CEP135: variants seen among roughly 807,000 people sequenced by gnomAD.
CEP135 encodes centrosomal protein 135, also known as centrosomal protein of 135 kDa.
Under a neutral mutation model 157.3 loss-of-function variants are expected in CEP135, and 142 were observed. The observed-to-expected ratio is 0.90, with a 90% CI of 0.79 to 1.04. The LOEUF is 1.04. CEP135 is among the 50% of genes least tolerant of loss of function. The pLI is 0.00. For synonymous variants in CEP135, 396 were observed against 439.8 expected, an observed-to-expected ratio of 0.90 and a Z score of 1.25; for missense variants, 1,317 against 1,309.2, an observed-to-expected ratio of 1.01 and a Z score of -0.09.
chr4:55,968,979 T>C (rs1728929750), intron 8 of CEP135, 84 bp from the exon 9 acceptor site: 1 of 1,021,450 alleles, frequency 9.8e-7, no homozygotes, highest in Non-Finnish European at 1.4e-6. Context: ...CGTGAAGTAA[T>C]TGCAAAATTA....
intron 19 of CEP135, among the ~76,000 whole-genome samples, chr4:56,010,516 A>C (rs1478819666): frequency 6.6e-6 from 1 of 152,206 alleles, no homozygotes; most frequent in Non-Finnish European, 1.5e-5. Context: ...AGGTGGGAGC[A>C]TGAAATTCTG....
At chr4:55,963,223 A>G (rs961450822) in intron 6 of CEP135, among the ~76,000 whole-genome samples, 2 of 151,954 alleles carry the variant, frequency 1.3e-5, no homozygotes, top group Admixed American at 6.6e-5. Flanking sequence ...TTTCTTATGC[A>G]TTTCTGCATT....
intron 8 of CEP135, among the ~76,000 whole-genome samples, chr4:55,967,280 A>G (rs1728873234): frequency 6.6e-6 from 1 of 152,212 alleles, no homozygotes; most frequent in East Asian, 1.9e-4. Context: ...AAATGTTGAT[A>G]TTTATGAAAT....
Position 55,959,226 on chromosome 4 carries a change from A to G in CEP135, c.615-456A>G, listed in dbSNP as rs562565401. ...GTTGGAATTAACAAGTTCCAGAAGG[A>G]ATAGGTTTTTTGCTGTAGTTACATA... On this transcript the variant is annotated intron_variant, in intron 5 of 25. Coordinates refer to ENST00000257287, the MANE Select transcript of CEP135 (RefSeq NM_025009.5). Among the ~76,000 whole-genome samples, 4 of 152,346 alleles carry G rather than the reference A, an allele frequency of 2.6e-5. 1 individual carries two copies. The highest frequency in any genetic ancestry group is 9.6e-5 in the African/African-American group (4 of 41,582).
intron 25 of CEP135, 136 bp from the exon 26 acceptor site, chr4:56,031,212 TTCTTAAATATAA>T (rs1273919764): frequency 5.2e-5 from 8 of 152,568 alleles, no homozygotes; most frequent in Non-Finnish European, 1.2e-4. Context: ...AGAACAGTAC[TTCTTAAATATAA>T]CTGGATGTGG....
chr4:56,031,522 G>C lies in CEP135; in HGVS notation c.*174G>C, dbSNP rs1036125609. ...ATATGTTAAAAAGTTTGGTTTAAAA[G>C]AACTATATCTATATGTATATTTTCA... On this transcript the variant is annotated 3_prime_UTR_variant, in exon 26 of 26. Transcript: ENST00000257287. The C allele has an allele frequency of 6.6e-6, 1 of 152,440 alleles. No individual in the cohort carries two copies. Among genetic ancestry groups the C allele is most frequent in the Non-Finnish European group, 1.5e-5 (1 of 67,996 alleles). The allele number at this position is 152,440 out of a possible 1,614,324, so 9.4% of individuals were successfully genotyped here.
chr4:55,999,370 A>T lies in CEP135; in HGVS notation c.2078A>T (p.Glu693Val). ...CACCGACTTTCCATAAAAAGAGGTGAACTTGAATCAGCCCAAGCACAAATT... is the reference window on the plus strand; with the variant it reads ...CACCGACTTTCCATAAAAAGAGGTGTACTTGAATCAGCCCAAGCACAAATT... ...YQHRLSIKRG[E>V]LESAQAQIKI... Residue 693 changes from glutamate to valine, a missense_variant, in exon 16 of 26, where the codon GAA (glutamate) becomes GTA (valine). By Grantham distance (121) the Glu-to-Val change is moderately radical (BLOSUM62 -2). Coordinates refer to ENST00000257287, the MANE Select transcript of CEP135 (RefSeq NM_025009.5). The T allele has an allele frequency of 1.2e-6, 2 of 1,614,218 alleles. No individual in the cohort carries two copies. The highest frequency in any genetic ancestry group is 1.7e-6 in the Non-Finnish European group (2 of 1,180,030).
At chr4:56,011,670 G>C in intron 20 of CEP135, 130 bp from the exon 21 acceptor site, 2 of 966,122 alleles carry the variant, frequency 2.1e-6, no homozygotes, top group Non-Finnish European at 3.1e-6. Context: ...TTTTAGTGTG[G>C]TACCTGCACA....
rs1729395172 is a variant in CEP135, at chr4:55,981,241, A to G, written c.1641A>G (p.Leu547=). The part of the protein sequence containing the change: ...SVLYNEAQEE[L]SALRKESTQT... Reference sequence around the variant, plus strand: ...CATTCTTTAAGGCTCAGGAAGAATTATCTGCCCTAAGAAAGGAATCCACCC... The same window carrying G: ...CATTCTTTAAGGCTCAGGAAGAATTGTCTGCCCTAAGAAAGGAATCCACCC... Residue 547 remains leucine (L), a synonymous_variant, in exon 13 of 26, where the codon TTA becomes TTG. Transcript: ENST00000257287. The G allele has an allele frequency of 6.3e-7, 1 of 1,585,206 alleles. No homozygotes were observed. The highest frequency in any genetic ancestry group is 1.4e-5 in the African/African-American group (1 of 72,846).
At chr4:55,986,822 T>TATTA (rs991176449) in intron 14 of CEP135, among the ~76,000 whole-genome samples, 11 of 152,218 alleles carry the variant, frequency 7.2e-5, no homozygotes, top group African/African-American at 2.7e-4. Context: ...GGCTGGCTTC[T>TATTA]ATTACTATGC....
At chr4:55,966,704 C>CA (rs906829824) in intron 8 of CEP135, 44 of 152,546 alleles carry the variant, frequency 2.9e-4, no homozygotes, top group African/African-American at 1.0e-3. Flanking sequence ...AGGCTGGTCT[C>CA]AAACTCCTGG....
At chr4:55,956,671 C>T (rs1269562093) in intron 4 of CEP135, among the ~76,000 whole-genome samples, 3 of 151,814 alleles carry the variant, frequency 2.0e-5, no homozygotes, top group East Asian at 1.9e-4. Context: ...AGTGCAGTGG[C>T]GCAATCTTGG....
intron 13 of CEP135, among the ~76,000 whole-genome samples, chr4:55,985,047 T>C (rs762387140): frequency 6.6e-6 from 1 of 152,248 alleles, no homozygotes; most frequent in Non-Finnish European, 1.5e-5. Context: ...CTATGTCTTC[T>C]ACTACAATCA....
rs1056563965 is a variant in CEP135, at chr4:56,033,273, C to T, written c.*1925C>T. On this transcript the variant is annotated 3_prime_UTR_variant, in exon 26 of 26. Transcript: ENST00000257287. ...ATTTTATCTTAAAATACTGAATGTT[C>T]TGACCTTTTATAGATGTTTTTGATT... 1 of 151,928 alleles carries T rather than the reference C, an allele frequency of 6.6e-6. No individual in the cohort carries two copies. Among genetic ancestry groups the T allele is most frequent in the African/African-American group, 2.4e-5 (1 of 41,402 alleles). 9.4% of individuals were successfully genotyped at this position (151,928 alleles called of 1,614,324 possible).
intron 21 of CEP135, among the ~76,000 whole-genome samples, chr4:56,012,578 T>A (rs1397201813): frequency 1.3e-5 from 2 of 152,190 alleles, no homozygotes; most frequent in Non-Finnish European, 2.9e-5. Context: ...TCATTCTGCT[T>A]TCTGTCACTA....
rs961788985 is a variant in CEP135 at position 55,957,215 on chromosome 4, C to G, written c.473-8C>G. On this transcript the variant is annotated splice_region_variant and splice_polypyrimidine_tract_variant and intron_variant, in intron 4 of 25. Transcript: ENST00000257287. ...TTCTTAGTTTTTTAAGACACTCATT[C>G]TTTTTAGGTGGCAAGAAAAGAAGTA... The G allele has an allele frequency of 6.2e-7, 1 of 1,610,402 alleles. No individual in the cohort carries two copies. Among genetic ancestry groups the G allele is most frequent in the Admixed American group, 1.7e-5 (1 of 58,964 alleles).
At chr4:56,005,300 C>G (rs1730316678) in intron 17 of CEP135, among the ~76,000 whole-genome samples, 1 of 152,056 alleles carries the variant, frequency 6.6e-6, no homozygotes. Context: ...ATGGTGGTAC[C>G]TGTAGTCCCA....
chr4:56,031,374 A>C lies in CEP135; in HGVS notation c.*26A>C, dbSNP rs1195623721. The C allele has an allele frequency of 3.9e-5, 6 of 152,544 alleles. No homozygotes were observed. In the East Asian group the frequency reaches 1.2e-3, roughly 29 times the overall value. The allele number at this position is 152,544 out of a possible 1,614,324, so 9.4% of individuals were successfully genotyped here. On this transcript the variant is annotated 3_prime_UTR_variant, in exon 26 of 26. Transcript: ENST00000257287. ...CTCCCTTTCAGAATAATGGCTTTCA[A>C]TGAGTTCCTATGTGGATTTTTAAAA...
chr4:56,026,989 G>A (rs930965003), intron 25 of CEP135, among the ~76,000 whole-genome samples: 2 of 152,198 alleles, frequency 1.3e-5, no homozygotes, highest in Non-Finnish European at 2.9e-5. Flanking sequence ...CATTAGTTAT[G>A]TGCTATTCTT....
Sources: gnomAD v4.1 joint callset for allele counts (sites outside exome capture counted in the v4.1 genomes callset) on GRCh38, gnomAD v4.1.1 for gene constraint, MANE v1.5 for transcripts, NCBI Gene and HGNC (gene_info 2026-07-23, HGNC 2026-07-21) for gene names.